The following GAS2 variants were observed in gnomAD, a reference collection of about 807,000 sequenced individuals.
The protein encoded by GAS2 is growth arrest specific 2, also known as growth arrest-specific protein 2.
A neutral mutation model predicts 37.5 loss-of-function variants in GAS2; 20 were observed. The ratio of observed to expected loss-of-function variants is 0.53; its 90% CI spans 0.37 to 0.77. The LOEUF is 0.77. Among genes scored for constraint, GAS2 ranks in the 30% least tolerant of loss-of-function variants. The probability of loss-of-function intolerance (pLI) is 0.00; values close to 1 mark genes in which losing one functional copy is unlikely to be tolerated. For missense variants in GAS2, 336 were observed against 373.4 expected, an observed-to-expected ratio of 0.90 and a Z score of 0.82; for synonymous variants, 144 against 132.2, an observed-to-expected ratio of 1.09 and a Z score of -0.61.
chr11:22,684,092 A>G (rs1378325431), intron 2 of GAS2, among the ~76,000 whole-genome samples: 1 of 152,234 alleles, frequency 6.6e-6, no homozygotes, highest in Non-Finnish European at 1.5e-5. Flanking sequence ...CAGGAACAAA[A>G]GCATAGCAGC....
chr11:22,633,695 G>T lies in GAS2; in HGVS notation c.-21+7882G>T, dbSNP rs181842181. ...TGAAATGCACTAAGGTCTTTTCAGG[G>T]TGAAGGGAGGAGCCACTGTAGTTCC... On this transcript the variant is annotated intron_variant, in intron 1 of 5. Coordinates refer to the GAS2 transcript ENST00000528582. Among the ~76,000 whole-genome samples, 8 of 152,212 alleles carry T rather than the reference G, an allele frequency of 5.3e-5. No homozygotes were observed. The East Asian group carries it at 1.5e-3, about 29-fold the overall frequency.
chr11:22,699,466 A>C (rs985468643), intron 3 of GAS2, among the ~76,000 whole-genome samples: 1 of 152,148 alleles, frequency 6.6e-6, no homozygotes, highest in African/African-American at 2.4e-5. Context: ...TTAGAGAAAA[A>C]AGACATGTGA....
chr11:22,796,525 A>G (rs1274796047), intron 7 of GAS2, among the ~76,000 whole-genome samples: 2 of 152,158 alleles, frequency 1.3e-5, no homozygotes, highest in African/African-American at 4.8e-5. Flanking sequence ...TTTTAAAAGG[A>G]AGGAGGCCCA....
At chr11:22,762,825 CAT>C (rs1278280217) in intron 7 of GAS2, among the ~76,000 whole-genome samples, 3 of 152,098 alleles carry the variant, frequency 2.0e-5, no homozygotes, top group Admixed American at 1.3e-4. Flanking sequence ...TATAATAAGA[CAT>C]ATTGCTATCT....
At chr11:22,766,525 A>C (rs1234419390) in intron 7 of GAS2, among the ~76,000 whole-genome samples, 2 of 152,200 alleles carry the variant, frequency 1.3e-5, no homozygotes, top group African/African-American at 2.4e-5. Context: ...TACTCAATGC[A>C]TAGCTCCTAG....
At chr11:22,723,664 T>G (rs1317940438) in intron 3 of GAS2, among the ~76,000 whole-genome samples, 1 of 151,946 alleles carries the variant, frequency 6.6e-6, no homozygotes, top group Non-Finnish European at 1.5e-5. Context: ...AGTTTTTACA[T>G]GCAAACTCGT....
chr11:22,668,133 A>G (rs1349938434), intron 1 of GAS2: 2 of 152,320 alleles, frequency 1.3e-5, no homozygotes, highest in African/African-American at 2.4e-5. Flanking sequence ...AAGGCAGAGA[A>G]CAAGACCTGT....
intron 3 of GAS2, among the ~76,000 whole-genome samples, chr11:22,714,724 A>G (rs1851577993): frequency 6.6e-6 from 1 of 152,234 alleles, no homozygotes; most frequent in Non-Finnish European, 1.5e-5. Flanking sequence ...CCTTAAAGCT[A>G]TACAAATACA....
rs372419220 is a variant in GAS2 at position 22,647,920 on chromosome 11, G to T, written c.-21+22107G>T. 1.3e-3 allele frequency among the ~76,000 whole-genome samples: 201 copies of T among 152,118 alleles called. 2 individuals carry two copies. In the East Asian group the frequency reaches 0.017, roughly 13 times the overall value. On this transcript the variant is annotated intron_variant, in intron 1 of 5. Coordinates refer to the GAS2 transcript ENST00000528582. ...TTTCTTTTGCTGTGCAGAAGCTCTT[G>T]AGTTTAATTAGATCCCATTTGTCAA...
intron 1 of GAS2, among the ~76,000 whole-genome samples, chr11:22,651,674 T>A (rs1347569269): frequency 6.6e-6 from 1 of 152,234 alleles, no homozygotes; most frequent in Non-Finnish European, 1.5e-5. Context: ...TCACTTCATC[T>A]TACATCGCTG....
chr11:22,807,307 A>G (rs967584051), intron 7 of GAS2, among the ~76,000 whole-genome samples: 15 of 152,242 alleles, frequency 9.9e-5, no homozygotes, highest in African/African-American at 3.6e-4. Context: ...ATCTTCCAAG[A>G]GAAAGAAACC....
chr11:22,636,925 A>G (rs967207747), intron 1 of GAS2, among the ~76,000 whole-genome samples: 1 of 134,994 alleles, frequency 7.4e-6, no homozygotes, highest in Non-Finnish European at 1.6e-5. Flanking sequence ...TAAAATATTT[A>G]TATTAATAAT....
intron 1 of GAS2, among the ~76,000 whole-genome samples, chr11:22,644,947 T>C (rs1012175780): frequency 3.9e-5 from 6 of 152,184 alleles, no homozygotes; most frequent in Non-Finnish European, 5.9e-5. Flanking sequence ...TATCTTAGAA[T>C]GAAATGTGTC....
intron 1 of GAS2, among the ~76,000 whole-genome samples, chr11:22,637,588 A>G (rs1330060822): frequency 2.2e-5 from 1 of 45,136 alleles, no homozygotes; most frequent in African/African-American, 7.0e-5. Flanking sequence ...TATTAATTAT[A>G]TTAATAGTAT....
intron 2 of GAS2, among the ~76,000 whole-genome samples, chr11:22,678,489 A>G (rs923331552): frequency 1.3e-5 from 2 of 152,096 alleles, no homozygotes; most frequent in African/African-American, 4.8e-5. Flanking sequence ...TAAAAAGATG[A>G]TAAGTCTTGA....
At chr11:22,793,619 T>G (rs1856286497) in intron 7 of GAS2, among the ~76,000 whole-genome samples, 1 of 152,120 alleles carries the variant, frequency 6.6e-6, no homozygotes, top group Admixed American at 6.6e-5. Flanking sequence ...GGGAGAAAGT[T>G]TCTGAGAGAG....
chr11:22,693,451 T>G (rs116754265), intron 3 of GAS2, among the ~76,000 whole-genome samples: 1,830 of 152,320 alleles, frequency 0.012, 39 homozygotes, highest in African/African-American at 0.042. Context: ...TTCATTGAGA[T>G]GTGGTAGAAG....
intron 7 of GAS2, among the ~76,000 whole-genome samples, chr11:22,809,885 A>C (rs1482616981): frequency 6.6e-6 from 1 of 152,168 alleles, no homozygotes; most frequent in Admixed American, 6.5e-5. Flanking sequence ...AAGTAGTTAC[A>C]AGCTAAATCC....
rs139374352 is a variant in GAS2, at chr11:22,785,812, A to G, written c.724-25986A>G. Among the ~76,000 whole-genome samples, 679 of 152,056 alleles carry G rather than the reference A, an allele frequency of 4.5e-3. 5 individuals carry two copies. The highest frequency in any genetic ancestry group is 0.015 in the African/African-American group (641 of 41,462). On this transcript the variant is annotated intron_variant, in intron 7 of 7. Transcript: ENST00000454584. ...GTCTATAAGGGAGTATAGGACAAAAACTGTAAACATAGATAGCTGTACTTT... is the reference window on the plus strand; with the variant it reads ...GTCTATAAGGGAGTATAGGACAAAAGCTGTAAACATAGATAGCTGTACTTT...
Sources: allele counts gnomAD v4.1 joint callset (sites outside exome capture counted in the v4.1 genomes callset), GRCh38; gene constraint gnomAD v4.1.1; transcripts MANE v1.5; gene names NCBI Gene and HGNC (gene_info 2026-07-23, HGNC 2026-07-21).